Variants in CYBRD1 observed in about 807,000 individuals in gnomAD.
CYBRD1 encodes the protein cytochrome b reductase 1.
A neutral mutation model predicts 21.9 loss-of-function variants in CYBRD1; 14 were observed. That is an observed-to-expected ratio of 0.64 (90% CI 0.42 to 1.00). The LOEUF is 1.00. Ranked by LOEUF, CYBRD1 falls within the 50% of genes least tolerant of loss-of-function variation. The pLI is 0.00. For missense variants in CYBRD1, 328 were observed against 352.5 expected (o/e 0.93, Z 0.56); for synonymous variants, 146 against 136.5 (o/e 1.07, Z -0.48).
At chr2:171,532,980 A>G (rs549106939) in intron 1 of CYBRD1, among the ~76,000 whole-genome samples, 1 of 152,242 alleles carries the variant, frequency 6.6e-6, no homozygotes, top group Non-Finnish European at 1.5e-5. Flanking sequence ...TTAAAAAAAT[A>G]AATTTTAAAA....
chr2:171,541,440 C>A, intron 1 of CYBRD1, 145 bp from the exon 2 acceptor site: 1 of 747,990 alleles, frequency 1.3e-6, no homozygotes, highest in South Asian at 1.6e-5. Context: ...CACTGAGAGG[C>A]AGGGGTAACA....
intron 1 of CYBRD1, among the ~76,000 whole-genome samples, chr2:171,527,566 C>A (rs1258360454): frequency 6.6e-6 from 1 of 152,180 alleles, no homozygotes; most frequent in Non-Finnish European, 1.5e-5. Context: ...GCTTAGTCAA[C>A]CTCCAGGAAG....
intron 1 of CYBRD1, among the ~76,000 whole-genome samples, chr2:171,533,893 A>G (rs1039268151): frequency 6.6e-6 from 1 of 151,552 alleles, no homozygotes; most frequent in Non-Finnish European, 1.5e-5. Flanking sequence ...TTTTATAGAG[A>G]CAGGGTTTCA....
chr2:171,542,013 C>T (rs1385265002), intron 2 of CYBRD1, among the ~76,000 whole-genome samples: 5 of 151,560 alleles, frequency 3.3e-5, no homozygotes, highest in East Asian at 3.9e-4. Context: ...TACAGGTACC[C>T]ACCATCGTGC....
At chr2:171,537,318 G>A (rs1417665604) in intron 1 of CYBRD1, among the ~76,000 whole-genome samples, 1 of 152,138 alleles carries the variant, frequency 6.6e-6, no homozygotes, top group Non-Finnish European at 1.5e-5. Flanking sequence ...AAGTTCACTA[G>A]GTCATTGGGT....
At chr2:171,523,179 CG>C in intron 1 of CYBRD1, 1 of 352,806 alleles carries the variant, frequency 2.8e-6, no homozygotes, top group East Asian at 1.2e-4. Context: ...CCTGCGCGAT[CG>C]GGGGCGCGGA....
intron 1 of CYBRD1, among the ~76,000 whole-genome samples, chr2:171,538,771 T>C (rs1697583367): frequency 6.6e-6 from 1 of 152,164 alleles, no homozygotes; most frequent in Non-Finnish European, 1.5e-5. Flanking sequence ...CCCTTATATT[T>C]TTATAATCCT....
In CYBRD1 at chr2:171,556,396, G is replaced by T. The variant is rs1683489209; in HGVS notation, c.*1569G>T. 1 of 152,148 alleles carries T rather than the reference G, an allele frequency of 6.6e-6. No individual in the cohort carries two copies. The allele number at this position is 152,148 out of a possible 1,614,324, so 9.4% of individuals were successfully genotyped here. Reference sequence around the variant, plus strand: ...TGTTTGGAGTATCATCTCTGTCTGGGATCTGGGCTGACAAATTAAAACCTA... The same window carrying T: ...TGTTTGGAGTATCATCTCTGTCTGGTATCTGGGCTGACAAATTAAAACCTA... On this transcript the variant is annotated 3_prime_UTR_variant, in exon 4 of 4. Transcript: ENST00000321348.
chr2:171,546,457 A>G (rs546732471), intron 2 of CYBRD1, among the ~76,000 whole-genome samples: 23 of 152,206 alleles, frequency 1.5e-4, no homozygotes, highest in Middle Eastern at 6.8e-3. Flanking sequence ...CACTTCTACT[A>G]TTGATCATAG....
chr2:171,542,379 C>G (rs1036181553), intron 2 of CYBRD1, among the ~76,000 whole-genome samples: 8 of 152,032 alleles, frequency 5.3e-5, no homozygotes, highest in African/African-American at 1.9e-4. Context: ...GCTGGGCATG[C>G]TGGCTCATGC....
At chr2:171,552,320 A>G (rs1184518975) in intron 2 of CYBRD1, among the ~76,000 whole-genome samples, 7 of 151,688 alleles carry the variant, frequency 4.6e-5, no homozygotes, top group Non-Finnish European at 1.0e-4. Flanking sequence ...AAAGTGACAA[A>G]TCATACAAAT....
At chr2:171,545,911 T>C (rs952005246) in intron 2 of CYBRD1, among the ~76,000 whole-genome samples, 5 of 152,172 alleles carry the variant, frequency 3.3e-5, no homozygotes, top group Non-Finnish European at 5.9e-5. Flanking sequence ...CACCCTACCT[T>C]AAGTTTTCTT....
chr2:171,522,559 G>A lies in CYBRD1; in HGVS notation c.14G>A (p.Gly5Asp). 1.2e-6 allele frequency: 2 copies of A among 1,605,030 alleles called. No individual in the cohort carries two copies. The highest frequency in any genetic ancestry group is 2.2e-5 in the East Asian group (1 of 44,608). Residue 5 changes from glycine to aspartate, a missense_variant, in exon 1 of 4, where the codon GGC (glycine) becomes GAC (aspartate). Transcript: ENST00000321348. The surrounding 1 kb of genome is among the most constrained non-coding windows in gnomAD (Gnocchi z 4.3). MAME[G>D]YWRFLALLGS... is the part of the protein sequence containing the mutation. ...TATGGGGCGCTGATGGCCATGGAGGGCTACTGGCGCTTCCTGGCGCTGCTG... is the reference window on the plus strand; with the variant it reads ...TATGGGGCGCTGATGGCCATGGAGGACTACTGGCGCTTCCTGGCGCTGCTG...
intron 1 of CYBRD1, among the ~76,000 whole-genome samples, chr2:171,530,053 C>T (rs1312864882): frequency 6.6e-6 from 1 of 152,122 alleles, no homozygotes; most frequent in East Asian, 1.9e-4. Flanking sequence ...CAAAGACACA[C>T]AGAGAAGAAG....
chr2:171,557,750 C>G lies in CYBRD1; in HGVS notation c.*2923C>G, dbSNP rs1403696798. ...TGTGTCATTTTTAATTAGATTCTTT[C>G]CCCTGCTGAGTTGGAAATTCCAGTG... On this transcript the variant is annotated 3_prime_UTR_variant, in exon 4 of 4. Coordinates refer to ENST00000321348, the MANE Select transcript of CYBRD1 (RefSeq NM_024843.4). 6.6e-6 allele frequency: 1 copy of G among 152,182 alleles called. No individual in the cohort carries two copies. Among genetic ancestry groups the G allele is most frequent in the Non-Finnish European group, 1.5e-5 (1 of 68,014 alleles). 9.4% of individuals were successfully genotyped at this position (152,182 alleles called of 1,614,324 possible).
intron 1 of CYBRD1, among the ~76,000 whole-genome samples, chr2:171,531,490 C>A (rs1697466402): frequency 6.6e-6 from 1 of 152,040 alleles, no homozygotes; most frequent in Non-Finnish European, 1.5e-5. Context: ...CTCTGTCAGC[C>A]AGGCTGGAGT....
At chr2:171,535,107 C>T (rs974439247) in intron 1 of CYBRD1, among the ~76,000 whole-genome samples, 4 of 152,000 alleles carry the variant, frequency 2.6e-5, no homozygotes, top group African/African-American at 9.7e-5. Context: ...TGGTGGGAAC[C>T]AAGGATGAGA....
chr2:171,540,022 C>T lies in CYBRD1; in HGVS notation c.194-1563C>T, dbSNP rs185335203. 4.0e-3 allele frequency among the ~76,000 whole-genome samples: 605 copies of T among 152,228 alleles called. 1 individual carries two copies. The highest frequency in any genetic ancestry group is 5.2e-3 in the Non-Finnish European group (352 of 68,010). On this transcript the variant is annotated intron_variant, in intron 1 of 3. Transcript: ENST00000321348. ...TTGGGATTACAGGCGTGAGCCACCG[C>T]GCCAGGCCATAAAAAACTTAATTGG...
intron 1 of CYBRD1, among the ~76,000 whole-genome samples, chr2:171,532,909 G>A (rs866342333): frequency 1.3e-5 from 2 of 149,682 alleles, no homozygotes; most frequent in Middle Eastern, 3.4e-3. Context: ...GTGTGTGTGT[G>A]TGTATGGAAA....
Sources: allele counts gnomAD v4.1 joint callset (sites outside exome capture counted in the v4.1 genomes callset), GRCh38; gene constraint gnomAD v4.1.1; non-coding constraint Gnocchi (gnomAD v3.1); transcripts MANE v1.5; gene names NCBI Gene and HGNC (gene_info 2026-07-23, HGNC 2026-07-21).